Variants in CSNK2A1 observed in about 807,000 individuals in gnomAD.
The protein encoded by CSNK2A1 is casein kinase II subunit alpha.
Under a neutral mutation model 62.9 loss-of-function variants are expected in CSNK2A1, and 10 were observed. That is an observed-to-expected ratio of 0.16 (90% CI 0.10 to 0.27). CSNK2A1 has a LOEUF of 0.27. Ranked by LOEUF, CSNK2A1 falls within the 10% of genes least tolerant of loss-of-function variation. CSNK2A1 has a pLI of 1.00. For synonymous variants in CSNK2A1, 124 were observed against 167.8 expected, an observed-to-expected ratio of 0.74 and a Z score of 2.02; for missense variants, 160 against 492.0, an observed-to-expected ratio of 0.33 and a Z score of 6.38.
chr20:498,969 G>A (rs900479831), intron 6 of CSNK2A1: 12 of 212,078 alleles, frequency 5.7e-5, no homozygotes, highest in East Asian at 9.8e-5. Context: ...CTAAGTGAAC[G>A]TGTGTTACTG....
rs191722108 is a variant in CSNK2A1, at chr20:508,196, A to G, written c.101+255T>C. On this transcript the variant is annotated intron_variant, in intron 3 of 13. Transcript: ENST00000217244. Reference sequence around the variant, plus strand: ...ACTTTGTTATGTGGTGCACGACTGCATATACATCATAGAAAAGGATAAGAA... The same window carrying G: ...ACTTTGTTATGTGGTGCACGACTGCGTATACATCATAGAAAAGGATAAGAA... 2.8e-4 allele frequency: 112 copies of G among 405,062 alleles called. No individual in the cohort carries two copies. In the East Asian group the frequency reaches 3.6e-3, roughly 13 times the overall value. The allele number at this position is 405,062 out of a possible 1,614,324, so 25.1% of individuals were successfully genotyped here.
chr20:510,975 G>A (rs1161878967), intron 2 of CSNK2A1, among the ~76,000 whole-genome samples: 2 of 152,084 alleles, frequency 1.3e-5, no homozygotes, highest in Admixed American at 1.3e-4. Context: ...TCCCACCACA[G>A]CCTCCCAAAG....
chr20:524,630 T>G (rs2019033223), intron 2 of CSNK2A1, among the ~76,000 whole-genome samples: 1 of 90,334 alleles, frequency 1.1e-5, no homozygotes, highest in African/African-American at 7.1e-5. Flanking sequence ...CTCAGGAGGC[T>G]GAGGCTGGAG....
At chr20:494,612 G>C (rs1319549940) in intron 8 of CSNK2A1, 1 of 152,172 alleles carries the variant, frequency 6.6e-6, no homozygotes, top group Non-Finnish European at 1.5e-5. Context: ...TAAATGTGTA[G>C]TTAACTTTTA....
intron 3 of CSNK2A1, 146 bp from the exon 4 acceptor site, chr20:505,375 T>TTTC: frequency 1.6e-6 from 1 of 637,464 alleles, no homozygotes. Context: ...TTTTTTTTTT[T>TTTC]TGGAGATGGA....
intron 4 of CSNK2A1, chr20:501,930 A>T (rs1436256239): frequency 6.6e-6 from 1 of 152,180 alleles, no homozygotes; most frequent in Non-Finnish European, 1.5e-5. Flanking sequence ...CCAGGTCCAG[A>T]AACTACCAAA....
At chr20:525,413 G>A (rs947369395) in intron 2 of CSNK2A1, among the ~76,000 whole-genome samples, 2 of 152,080 alleles carry the variant, frequency 1.3e-5, no homozygotes, top group Admixed American at 1.3e-4. Flanking sequence ...AGCACTGTGG[G>A]AGGCTGAGGC....
At chr20:523,237 G>A (rs2122614300) in intron 2 of CSNK2A1, among the ~76,000 whole-genome samples, 1 of 152,198 alleles carries the variant, frequency 6.6e-6, no homozygotes, top group East Asian at 1.9e-4. Context: ...AAACAGTTTG[G>A]CAACTTCTTT....
intron 2 of CSNK2A1, among the ~76,000 whole-genome samples, chr20:521,558 T>C (rs1044419029): frequency 6.6e-6 from 1 of 152,176 alleles, no homozygotes; most frequent in Non-Finnish European, 1.5e-5. Context: ...TCCTAGGTAT[T>C]TACTCAAGAG....
Position 478,357 on chromosome 20 carries a change from A to T in CSNK2A1, c.*5604T>A, listed in dbSNP as rs116710850. On this transcript the variant is annotated 3_prime_UTR_variant, in exon 14 of 14. Transcript: ENST00000217244. ...TGGAACTGTTCAACACACAGAAGCA[A>T]GGTCCTCTCCTTCTAGGTATGGCTA... 1,013 of 199,696 alleles carry T rather than the reference A, an allele frequency of 5.1e-3. 11 individuals carry two copies. Among genetic ancestry groups the T allele is most frequent in the African/African-American group, 0.023 (966 of 41,770 alleles). 12.4% of individuals were successfully genotyped at this position (199,696 alleles called of 1,614,324 possible).
chr20:521,791 G>C (rs1265445513), intron 2 of CSNK2A1, among the ~76,000 whole-genome samples: 1 of 152,138 alleles, frequency 6.6e-6, no homozygotes, highest in Non-Finnish European at 1.5e-5. Context: ...GTCTCGCTTT[G>C]TTGCCCAGGC....
At chr20:530,799 CA>C (rs1387724577) in intron 1 of CSNK2A1, among the ~76,000 whole-genome samples, 1 of 152,062 alleles carries the variant, frequency 6.6e-6, no homozygotes, top group East Asian at 1.9e-4. Context: ...AAAAGTAAAT[CA>C]GGGGCCAGGC....
chr20:517,110 C>A (rs895133701), intron 2 of CSNK2A1, among the ~76,000 whole-genome samples: 1 of 152,218 alleles, frequency 6.6e-6, no homozygotes, highest in East Asian at 1.9e-4. Context: ...ACAAACAAGA[C>A]TTGTGGAACT....
intron 8 of CSNK2A1, among the ~76,000 whole-genome samples, chr20:493,919 C>A (rs900763387): frequency 6.6e-6 from 1 of 151,978 alleles, no homozygotes; most frequent in African/African-American, 2.4e-5. Flanking sequence ...ATGTGTCATA[C>A]TTCTTTCCTT....
intron 2 of CSNK2A1, among the ~76,000 whole-genome samples, chr20:513,143 C>G (rs1393879997): frequency 3.3e-5 from 5 of 152,240 alleles, no homozygotes; most frequent in African/African-American, 1.2e-4. Context: ...AAATTCTCAG[C>G]CTCTCCTCTG....
At chr20:491,826 A>C (rs2018241298) in intron 9 of CSNK2A1, among the ~76,000 whole-genome samples, 1 of 152,176 alleles carries the variant, frequency 6.6e-6, no homozygotes, top group African/African-American at 2.4e-5. Flanking sequence ...TGGGAGGCTG[A>C]GGCAGGAGAA....
At chr20:504,852 A>G (rs2122558751) in intron 4 of CSNK2A1, 3 of 396,550 alleles carry the variant, frequency 7.6e-6, no homozygotes, top group South Asian at 8.0e-5. Context: ...GTATTAGGCA[A>G]TAACTGGGAG....
At chr20:487,718 C>T in intron 11 of CSNK2A1, 143 bp from the exon 12 acceptor site, 1 of 1,115,390 alleles carries the variant, frequency 9.0e-7, no homozygotes, top group Non-Finnish European at 1.3e-6. Context: ...TTGCACCGCT[C>T]TGCCACTGAG....
intron 11 of CSNK2A1, 153 bp from the exon 12 acceptor site, chr20:487,728 G>T: frequency 1.0e-6 from 1 of 980,688 alleles, no homozygotes; most frequent in Non-Finnish European, 1.5e-6. Flanking sequence ...CTGCCACTGA[G>T]TGGGACAACA....
Sources: gnomAD v4.1 joint callset for allele counts (sites outside exome capture counted in the v4.1 genomes callset) on GRCh38, gnomAD v4.1.1 for gene constraint, MANE v1.5 for transcripts, NCBI Gene and HGNC (gene_info 2026-07-23, HGNC 2026-07-21) for gene names.